MAGI1: variants seen among roughly 807,000 people sequenced by gnomAD.
The protein encoded by MAGI1 is membrane-associated guanylate kinase, WW and PDZ domain-containing protein 1.
MAGI1 carries 58 observed loss-of-function variants against 139.9 expected under a neutral mutation model. That is an observed-to-expected ratio of 0.41 (90% CI 0.34 to 0.52). MAGI1 has a LOEUF of 0.52. Among genes scored for constraint, MAGI1 ranks in the 20% least tolerant of loss-of-function variants. MAGI1 has a pLI of 0.12. For synonymous variants in MAGI1, 812 were observed against 737.9 expected (o/e 1.10, Z -1.63); for missense variants, 1,874 against 1,901.6 (o/e 0.99, Z 0.27).
chr3:65,408,153 G>A (rs1433013382), intron 12 of MAGI1, among the ~76,000 whole-genome samples: 1 of 152,114 alleles, frequency 6.6e-6, no homozygotes, highest in East Asian at 1.9e-4. Flanking sequence ...AATCATCCTT[G>A]TCCAAGTATA....
At position 65,430,134 on chromosome 3, in the gene MAGI1, A is replaced by C. The variant is rs763609622; in HGVS notation, c.1553T>G (p.Val518Gly). ...ACAGGTGTCATTCACACTTACAATC[A>C]CATCCCCTGTAGAAGGCAAGAGTGT... ...ALDGKMETGD[V>G]IVSVNDTCVL... The change falls in exon 12 of 23, where the codon GTG becomes GGG. Residue 518 changes from valine (V) to glycine (G), a missense_variant. Coordinates refer to ENST00000402939, the MANE Select transcript of MAGI1 (RefSeq NM_001033057.2). 1 of 1,611,860 alleles carries C rather than the reference A, an allele frequency of 6.2e-7. No individual in the cohort carries two copies.
intron 1 of MAGI1, among the ~76,000 whole-genome samples, chr3:65,704,080 G>T (rs2089796290): frequency 6.6e-6 from 1 of 152,086 alleles, no homozygotes; most frequent in Admixed American, 6.6e-5. Flanking sequence ...TGAGAAGAGG[G>T]GAAAGAAGGC....
intron 1 of MAGI1, among the ~76,000 whole-genome samples, chr3:65,717,204 A>G (rs56218975): frequency 0.12 from 17,840 of 152,172 alleles, 1,500 homozygotes; most frequent in Non-Finnish European, 0.17. Flanking sequence ...TAGGACAAAC[A>G]ACCGAAAAGT....
At chr3:65,836,622 C>T (rs746537405) in intron 1 of MAGI1, among the ~76,000 whole-genome samples, 1 of 152,056 alleles carries the variant, frequency 6.6e-6, no homozygotes. Flanking sequence ...AGTTCAAGAC[C>T]AGCCTGGCCA....
intron 1 of MAGI1, among the ~76,000 whole-genome samples, chr3:65,623,155 A>T (rs1314787718): frequency 6.6e-6 from 1 of 152,152 alleles, no homozygotes; most frequent in Non-Finnish European, 1.5e-5. Context: ...AAATAAGTAG[A>T]CTTCACTCTT....
Position 65,837,481 on chromosome 3 carries a change from A to G in MAGI1, c.313+200515T>C, listed in dbSNP as rs368182854. On this transcript the variant is annotated intron_variant, in intron 1 of 22. Transcript: ENST00000402939. ...ACACCTGGAAAGTCAGATGACCATT[A>G]TATCTGTCCAGCTCACACAAGGGAA... is the stretch of plus-strand genomic sequence containing the variant. 3.3e-5 allele frequency among the ~76,000 whole-genome samples: 5 copies of G among 152,148 alleles called. No individual in the cohort carries two copies. In the East Asian group the frequency reaches 5.8e-4, roughly 18 times the overall value.
intron 2 of MAGI1, among the ~76,000 whole-genome samples, chr3:65,540,431 C>T (rs1029988311): frequency 6.6e-6 from 1 of 152,078 alleles, no homozygotes; most frequent in African/African-American, 2.4e-5. Flanking sequence ...CTACTATATT[C>T]CCAGTGCCTA....
In MAGI1 at chr3:65,470,521, G is replaced by GA. The variant is rs776056098; in HGVS notation, c.758-38dup. The GA allele has an allele frequency of 2.5e-3, 2,891 of 1,136,774 alleles. 5 individuals carry two copies. The highest frequency in any genetic ancestry group is 0.013 in the African/African-American group (763 of 57,344). 70.4% of individuals were successfully genotyped at this position (1,136,774 alleles called of 1,614,324 possible). On this transcript the variant is annotated intron_variant, in intron 4 of 22. Coordinates refer to ENST00000402939, the MANE Select transcript of MAGI1 (RefSeq NM_001033057.2). ...TGTGAAGAGGTGAGAGAGAGAGAGAGAGAAAAAAAAAAAATGGTATTCAGC... is the reference window on the plus strand; with the variant it reads ...TGTGAAGAGGTGAGAGAGAGAGAGAGAAGAAAAAAAAAAAATGGTATTCAGC...
chr3:65,484,895 T>G (rs1212693318), intron 3 of MAGI1, among the ~76,000 whole-genome samples: 1 of 152,228 alleles, frequency 6.6e-6, no homozygotes, highest in Non-Finnish European at 1.5e-5. Flanking sequence ...TAGCAGACTG[T>G]TTAATTAATC....
intron 1 of MAGI1, among the ~76,000 whole-genome samples, chr3:65,763,575 A>G (rs2037212981): frequency 6.6e-6 from 1 of 152,128 alleles, no homozygotes; most frequent in Non-Finnish European, 1.5e-5. Flanking sequence ...CTGAGGCATA[A>G]AGAAAAAAAA....
chr3:65,548,818 C>T (rs2079654108), intron 2 of MAGI1, among the ~76,000 whole-genome samples: 1 of 152,128 alleles, frequency 6.6e-6, no homozygotes, highest in African/African-American at 2.4e-5. Flanking sequence ...CCACCGCTCC[C>T]GGCTGCAAAC....
At chr3:65,531,629 T>C (rs1039477230) in intron 2 of MAGI1, among the ~76,000 whole-genome samples, 2 of 152,114 alleles carry the variant, frequency 1.3e-5, no homozygotes, top group South Asian at 2.1e-4. Context: ...GTCCAAACAA[T>C]TGCTCAGATG....
chr3:65,384,729 T>C (rs1234638501), intron 14 of MAGI1, among the ~76,000 whole-genome samples: 1 of 152,030 alleles, frequency 6.6e-6, no homozygotes, highest in African/African-American at 2.4e-5. Context: ...TAAGACCCTG[T>C]CTCAAATAAA....
At chr3:65,594,986 G>A (rs767441015) in intron 2 of MAGI1, among the ~76,000 whole-genome samples, 44 of 152,084 alleles carry the variant, frequency 2.9e-4, no homozygotes, top group Non-Finnish European at 5.1e-4. Flanking sequence ...AGTTTCAGTC[G>A]GTATCACATC....
chr3:65,711,965 A>G (rs2031497267), intron 1 of MAGI1, among the ~76,000 whole-genome samples: 1 of 143,718 alleles, frequency 7.0e-6, no homozygotes, highest in Non-Finnish European at 1.5e-5. Flanking sequence ...ATTGCAATTT[A>G]TCTTTTATTC....
intron 2 of MAGI1, among the ~76,000 whole-genome samples, chr3:65,579,308 T>C (rs2081313998): frequency 6.6e-6 from 1 of 152,134 alleles, no homozygotes; most frequent in African/African-American, 2.4e-5. Context: ...AAAACTAGGA[T>C]GCTTTCTGCT....
intron 2 of MAGI1, among the ~76,000 whole-genome samples, chr3:65,518,976 G>T (rs1045583674): frequency 6.6e-6 from 1 of 152,108 alleles, no homozygotes; most frequent in Admixed American, 6.6e-5. Context: ...TCCTCACTGA[G>T]AAGGTAAAAT....
intron 1 of MAGI1, among the ~76,000 whole-genome samples, chr3:65,953,582 A>G (rs936673654): frequency 6.6e-6 from 1 of 152,120 alleles, no homozygotes; most frequent in Non-Finnish European, 1.5e-5. Flanking sequence ...CTCCACAGGG[A>G]GGTTTCAGCA....
At chr3:65,793,717 G>C (rs1382890525) in intron 1 of MAGI1, among the ~76,000 whole-genome samples, 2 of 152,144 alleles carry the variant, frequency 1.3e-5, no homozygotes, top group African/African-American at 4.8e-5. Context: ...TGGGAGGACT[G>C]CATTTCCAGG....
Sources: gnomAD v4.1 joint callset for allele counts (sites outside exome capture counted in the v4.1 genomes callset) on GRCh38, gnomAD v4.1.1 for gene constraint, MANE v1.5 for transcripts, NCBI Gene and HGNC (gene_info 2026-07-23, HGNC 2026-07-21) for gene names.